Variants in PDE1C observed in about 807,000 individuals in gnomAD.
The protein encoded by PDE1C is dual specificity calcium/calmodulin-dependent 3',5'-cyclic nucleotide phosphodiesterase 1C.
A neutral mutation model predicts 93.1 loss-of-function variants in PDE1C; 62 were observed. The ratio of observed to expected loss-of-function variants is 0.67; its 90% confidence interval spans 0.54 to 0.82. The LOEUF is 0.82. Ranked by LOEUF, PDE1C falls within the 40% of genes least tolerant of loss-of-function variation. The pLI is 0.00. For synonymous variants in PDE1C, 325 were observed against 310.1 expected (o/e 1.05, Z -0.50); for missense variants, 742 against 884.6 (o/e 0.84, Z 2.04).
At chr7:31,899,663 G>C (rs1241578493) in intron 2 of PDE1C, among the ~76,000 whole-genome samples, 1 of 152,198 alleles carries the variant, frequency 6.6e-6, no homozygotes, top group Admixed American at 6.5e-5. Context: ...CCACGTGCGG[G>C]AGACAGAGAA....
At chr7:31,698,524 T>C in the PDE1C span, among the ~76,000 whole-genome samples, 2 of 152,204 alleles carry the variant, frequency 1.3e-5, no homozygotes, top group Non-Finnish European at 2.9e-5. Flanking sequence ...AAGCACTGAC[T>C]ACATGCAAGC....
intron 2 of PDE1C, among the ~76,000 whole-genome samples, chr7:32,187,532 A>G (rs576208048): frequency 1.0e-3 from 152 of 151,760 alleles, no homozygotes; most frequent in African/African-American, 3.6e-3. Context: ...TTATGATGGT[A>G]TTTCACATAA....
chr7:31,863,976 A>G (rs1794979136), intron 7 of PDE1C, among the ~76,000 whole-genome samples: 1 of 152,194 alleles, frequency 6.6e-6, no homozygotes. Context: ...CAGTCACTGG[A>G]GGAAAAGATA....
At chr7:31,668,436 A>G in the PDE1C span, among the ~76,000 whole-genome samples, 2 of 152,174 alleles carry the variant, frequency 1.3e-5, no homozygotes, top group Admixed American at 6.5e-5. Flanking sequence ...ATTTTCATCA[A>G]CTGATGAATG....
At chr7:32,142,247 G>T (rs567858196) in intron 3 of PDE1C, among the ~76,000 whole-genome samples, 1 of 152,286 alleles carries the variant, frequency 6.6e-6, no homozygotes, top group East Asian at 1.9e-4. Flanking sequence ...GGAGAAGGGG[G>T]ATAGAGGAAG....
intron 1 of PDE1C, among the ~76,000 whole-genome samples, chr7:32,415,866 C>T (rs1029403831): frequency 2.0e-5 from 3 of 152,194 alleles, no homozygotes; most frequent in Non-Finnish European, 4.4e-5. Flanking sequence ...AATAAAATCC[C>T]TGCAAAAGAA....
chr7:32,055,995 C>T (rs972519067), intron 1 of PDE1C, among the ~76,000 whole-genome samples: 1 of 152,214 alleles, frequency 6.6e-6, no homozygotes, highest in Non-Finnish European at 1.5e-5. Flanking sequence ...GTTGCGATTA[C>T]AGGCATGAGC....
At chr7:31,643,631 C>T in the PDE1C span, 1 of 1,614,014 alleles carries the variant, frequency 6.2e-7, no homozygotes, top group Non-Finnish European at 8.5e-7. Context: ...GGGACAAAAG[C>T]AAGACAGTTA....
intron 1 of PDE1C, among the ~76,000 whole-genome samples, chr7:32,296,451 G>C (rs1014100557): frequency 6.6e-6 from 1 of 152,164 alleles, no homozygotes; most frequent in Non-Finnish European, 1.5e-5. Flanking sequence ...TCTTAGTATA[G>C]TAAAATTGAA....
At chr7:31,965,036 T>C (rs907682143) in intron 2 of PDE1C, among the ~76,000 whole-genome samples, 49 of 152,050 alleles carry the variant, frequency 3.2e-4, no homozygotes, top group African/African-American at 1.1e-3. Flanking sequence ...CTGGAAACTC[T>C]AAAAATCAGA....
At chr7:32,387,801 G>C (rs185016081) in intron 1 of PDE1C, among the ~76,000 whole-genome samples, 3 of 141,392 alleles carry the variant, frequency 2.1e-5, no homozygotes, top group Non-Finnish European at 3.1e-5. Context: ...CTGGCCGGGC[G>C]GGGGGCTGAC....
chr7:31,643,982 A>G, the PDE1C span: 2 of 1,567,714 alleles, frequency 1.3e-6, no homozygotes, highest in Middle Eastern at 1.7e-4. Context: ...AAAGATGGAA[A>G]GGCAGATGCA....
the PDE1C span, among the ~76,000 whole-genome samples, chr7:31,648,864 CAA>C: frequency 6.6e-6 from 1 of 152,172 alleles, no homozygotes; most frequent in Non-Finnish European, 1.5e-5. Flanking sequence ...AGAAATGAAA[CAA>C]GAGATGGGTT....
intron 16 of PDE1C, chr7:31,784,592 T>C (rs976289297): frequency 6.6e-6 from 1 of 151,814 alleles, no homozygotes; most frequent in African/African-American, 2.4e-5. Flanking sequence ...AGAAGGAATT[T>C]GTGAAGGGTA....
At chr7:32,319,442 G>C (rs1002744648) in intron 1 of PDE1C, among the ~76,000 whole-genome samples, 1 of 121,076 alleles carries the variant, frequency 8.3e-6, no homozygotes, top group African/African-American at 2.7e-5. Context: ...TTGGGCCGTG[G>C]GCAAGCCATC....
intron 2 of PDE1C, among the ~76,000 whole-genome samples, chr7:31,951,367 C>A (rs1053021689): frequency 5.9e-5 from 9 of 152,162 alleles, no homozygotes; most frequent in Admixed American, 5.2e-4. Flanking sequence ...GAGTAGGTTC[C>A]AAACCTATCA....
chr7:32,205,877 T>C (rs73304655), intron 2 of PDE1C, among the ~76,000 whole-genome samples: 1 of 152,120 alleles, frequency 6.6e-6, no homozygotes, highest in African/African-American at 2.4e-5. Flanking sequence ...CCCATCAGAA[T>C]GAAGAAACTC....
intron 5 of PDE1C, among the ~76,000 whole-genome samples, chr7:31,875,440 C>T (rs76793400): frequency 0.044 from 6,714 of 152,146 alleles, 197 homozygotes; most frequent in African/African-American, 0.089. Context: ...AGTTGAGGGG[C>T]TTGGCCAAAA....
At chr7:31,757,151 C>A (rs1206693707) in intron 17 of PDE1C, among the ~76,000 whole-genome samples, 2 of 152,154 alleles carry the variant, frequency 1.3e-5, no homozygotes, top group Admixed American at 1.3e-4. Context: ...CAGATGACTA[C>A]TAACAAAAAT....
Sources: allele counts gnomAD v4.1 joint callset (sites outside exome capture counted in the v4.1 genomes callset), GRCh38; gene constraint gnomAD v4.1.1; transcripts MANE v1.5; gene names NCBI Gene and HGNC (gene_info 2026-07-23, HGNC 2026-07-21).